The following BPTF variants were observed in gnomAD, a reference collection of about 807,000 sequenced individuals.
BPTF encodes nucleosome-remodeling factor subunit BPTF.
A neutral mutation model predicts 292.5 loss-of-function variants in BPTF; 18 were observed. The observed-to-expected ratio is 0.06, with a 90% CI of 0.04 to 0.09. The LOEUF (loss-of-function observed/expected upper bound fraction) is 0.09. BPTF is among the 10% of genes least tolerant of loss of function. The pLI is 1.00. For synonymous variants in BPTF, 1,225 were observed against 1,251.9 expected (o/e 0.98, Z 0.45); for missense variants, 2,726 against 3,498.7 (o/e 0.78, Z 5.57).
intron 8 of BPTF, 95 bp downstream of exon 8, chr17:67,904,013 G>A: frequency 9.3e-7 from 1 of 1,074,940 alleles, no homozygotes; most frequent in Admixed American, 2.7e-5. Context: ...TTTTGACATA[G>A]TCTTTGTATT....
intron 25 of BPTF, 43 bp downstream of exon 25, chr17:67,964,447 A>G (rs374632678): frequency 6.6e-4 from 1,024 of 1,551,918 alleles, no homozygotes; most frequent in African/African-American, 5.5e-3. Flanking sequence ...GAAATCAGCC[A>G]GCATAATTTT....
chr17:67,880,954 T>TACAC (rs370583774), intron 4 of BPTF, among the ~76,000 whole-genome samples: 2,495 of 98,742 alleles, frequency 0.025, 72 homozygotes, highest in African/African-American at 0.062. Context: ...ATATTATATA[T>TACAC]ATATACACAC....
chr17:67,837,598 C>CG (rs2057233568), intron 1 of BPTF, among the ~76,000 whole-genome samples: 1 of 152,036 alleles, frequency 6.6e-6, no homozygotes, highest in South Asian at 2.1e-4. Flanking sequence ...TTAGTAGTGA[C>CG]GGGGTTTCAC....
At chr17:67,981,982 CAAATATATATATATATAT>C (rs1217034858) in intron 27 of BPTF, among the ~76,000 whole-genome samples, 4 of 91,766 alleles carry the variant, frequency 4.4e-5, no homozygotes, top group Non-Finnish European at 8.2e-5. Context: ...CTTTATTAGA[CAAATATATATATATATAT>C]ATATATATAT....
At chr17:67,937,435 T>A (rs896916885) in intron 18 of BPTF, among the ~76,000 whole-genome samples, 13 of 150,338 alleles carry the variant, frequency 8.6e-5, no homozygotes, top group Non-Finnish European at 1.2e-4. Flanking sequence ...GGAACGATAA[T>A]GTTTAGAGTT....
intron 9 of BPTF, among the ~76,000 whole-genome samples, chr17:67,908,810 T>G (rs1275755470): frequency 6.0e-5 from 9 of 149,474 alleles, no homozygotes; most frequent in Non-Finnish European, 8.9e-5. Context: ...CACTCTTGTT[T>G]CAGTTGTCAC....
chr17:67,825,582 T>C lies in BPTF; in HGVS notation c.-143T>C, dbSNP rs1396689228. 7.1e-6 allele frequency: 3 copies of C among 422,840 alleles called. No individual in the cohort carries two copies. The highest frequency in any genetic ancestry group is 8.9e-6 in the Non-Finnish European group (2 of 223,620). The allele number at this position is 422,840 out of a possible 1,614,324, so 26.2% of individuals were successfully genotyped here. A position where few individuals can be genotyped will look rare whatever the true frequency, so the allele number is the denominator to read the frequency against. On this transcript the variant is annotated 5_prime_UTR_variant, in exon 1 of 28. Coordinates refer to ENST00000306378, the MANE Select transcript of BPTF (RefSeq NM_182641.4). ...GGGCCCCAGCAATTCGGATTGAGCC[T>C]TCTCCCTCCACCCGCTTCCGTCGGC...
chr17:67,850,563 T>C (rs1212768092), intron 1 of BPTF, among the ~76,000 whole-genome samples: 2 of 152,120 alleles, frequency 1.3e-5, no homozygotes, highest in African/African-American at 4.8e-5. Context: ...GAGACGGGGT[T>C]TCACCATATT....
chr17:67,922,050 C>T (rs1449424742), intron 13 of BPTF, among the ~76,000 whole-genome samples: 2 of 151,814 alleles, frequency 1.3e-5, no homozygotes, highest in African/African-American at 4.8e-5. Context: ...AACAAAATCA[C>T]AAGGTCGTCC....
Position 67,911,447 on chromosome 17 carries a change from A to C in BPTF, c.3563A>C (p.Asp1188Ala), listed in dbSNP as rs1375592571. Residue 1188 changes from aspartate (D) to alanine (A), a missense_variant, in exon 11 of 28, where the codon GAC becomes GCC. Transcript: ENST00000306378. ...CCGAAACAAAATTCCATTGAAAATG[A>C]CATAGAAGAAAAAGTCTCTGACCTT... ...KCPKQNSIENDIEEKVSDLAS... is the reference protein window; with the variant it reads ...KCPKQNSIENAIEEKVSDLAS... The C allele has an allele frequency of 6.2e-7, 1 of 1,614,154 alleles. No individual in the cohort carries two copies.
At chr17:67,869,437 T>A (rs1266804560) in intron 3 of BPTF, among the ~76,000 whole-genome samples, 1 of 152,186 alleles carries the variant, frequency 6.6e-6, no homozygotes, top group Non-Finnish European at 1.5e-5. Flanking sequence ...GGGGAATTGA[T>A]AAATTTCATT....
At chr17:67,964,732 G>T (rs1162439188) in intron 25 of BPTF, among the ~76,000 whole-genome samples, 2 of 152,146 alleles carry the variant, frequency 1.3e-5, no homozygotes, top group Non-Finnish European at 2.9e-5. Flanking sequence ...CGGGCATGGT[G>T]GCTCATGCCT....
chr17:67,923,433 C>T (rs1405808393), intron 14 of BPTF, among the ~76,000 whole-genome samples: 2 of 141,406 alleles, frequency 1.4e-5, no homozygotes, highest in African/African-American at 5.2e-5. Context: ...ATTTTAAGTG[C>T]TAGCTGTAAA....
chr17:67,926,198 G>A (rs558344641), intron 15 of BPTF, among the ~76,000 whole-genome samples: 1 of 150,688 alleles, frequency 6.6e-6, no homozygotes, highest in Admixed American at 6.6e-5. Flanking sequence ...TGTAGAGATA[G>A]GACTTTTGCC....
intron 9 of BPTF, among the ~76,000 whole-genome samples, chr17:67,906,008 C>G (rs772491291): frequency 1.3e-5 from 2 of 152,048 alleles, no homozygotes; most frequent in Non-Finnish European, 2.9e-5. Context: ...ATGTCACAAA[C>G]CTGCACGTTG....
chr17:67,880,065 C>T (rs1466601028), intron 4 of BPTF, among the ~76,000 whole-genome samples: 1 of 152,112 alleles, frequency 6.6e-6, no homozygotes, highest in Non-Finnish European at 1.5e-5. Flanking sequence ...AAGGAATCTG[C>T]TCATTTTGGC....
intron 27 of BPTF, among the ~76,000 whole-genome samples, chr17:67,979,540 G>A (rs369645474): frequency 8.6e-5 from 13 of 151,860 alleles, no homozygotes; most frequent in East Asian, 5.8e-4. Context: ...GCAAAACTCC[G>A]TCTCAAAGAT....
In BPTF at chr17:67,940,592, C is replaced by T; in HGVS notation, c.6413C>T (p.Pro2138Leu). Residue 2138 changes from proline to leucine, a missense_variant, in exon 19 of 28, where the codon CCT (proline) becomes CTT (leucine). Physicochemically the swap from Pro to Leu is moderately conservative, Grantham distance 98 (BLOSUM62 -3). This residue lies in a region of BPTF where 570 missense variants were observed against 633.5 expected (regional missense o/e 0.90). Coordinates refer to ENST00000306378, the MANE Select transcript of BPTF (RefSeq NM_182641.4). ...ATACAGTCTTCAGCCTCACAACCCC[C>T]TCGCCCCCAACAAGGACAAGTGAAG... Reference protein sequence around the residue: ...SNIQSSASQPPRPQQGQVKLT... With the variant: ...SNIQSSASQPLRPQQGQVKLT... 1 of 1,614,138 alleles carries T rather than the reference C, an allele frequency of 6.2e-7. No homozygotes were observed. Among genetic ancestry groups the T allele is most frequent in the Non-Finnish European group, 8.5e-7 (1 of 1,180,024 alleles).
chr17:67,937,467 G>T (rs551736648), intron 18 of BPTF, among the ~76,000 whole-genome samples: 9 of 152,264 alleles, frequency 5.9e-5, no homozygotes, highest in African/African-American at 2.2e-4. Context: ...ATGATTTGCA[G>T]GGAGGGTTGA....
Sources: allele counts gnomAD v4.1 joint callset (sites outside exome capture counted in the v4.1 genomes callset), GRCh38; gene constraint gnomAD v4.1.1; regional missense constraint gnomAD v4.1.1; transcripts MANE v1.5; gene names NCBI Gene and HGNC (gene_info 2026-07-23, HGNC 2026-07-21).